The following ADGRG4 variants were observed in gnomAD, a reference collection of about 807,000 sequenced individuals.
ADGRG4 encodes G protein-coupled receptor 112.
Under a neutral mutation model 126.2 loss-of-function variants are expected in ADGRG4, and 122 were observed. That is an observed-to-expected ratio of 0.97 (90% CI 0.83 to 1.12). ADGRG4 has a LOEUF of 1.12. Ranked by LOEUF, ADGRG4 falls within the 50% of genes most tolerant of loss-of-function variation. ADGRG4 has a pLI of 0.00. For missense variants in ADGRG4, 2,481 were observed against 2,251.8 expected (o/e 1.10, Z -2.06); for synonymous variants, 943 against 838.7 (o/e 1.12, Z -2.15).
chrX:136,381,245 C>G (rs987840084), intron 15 of ADGRG4, among the ~76,000 whole-genome samples: 1 of 110,471 alleles, frequency 9.1e-6, no homozygotes, highest in African/African-American at 3.3e-5. Context: ...TGGGGGCTAT[C>G]TAAGATATCG....
intron 16 of ADGRG4, among the ~76,000 whole-genome samples, chrX:136,388,502 C>T (rs185153413): frequency 7.1e-5 from 8 of 112,268 alleles, no homozygotes; most frequent in Admixed American, 6.6e-4. Flanking sequence ...TAATTTCCTT[C>T]TCTGTAGTAT....
At chrX:136,360,094 C>T (rs1026094773) in intron 11 of ADGRG4, among the ~76,000 whole-genome samples, 7 of 111,337 alleles carry the variant, frequency 6.3e-5, no homozygotes, top group Admixed American at 1.9e-4. Context: ...TGTGACGGTG[C>T]AGGGGTGTGA....
At chrX:136,361,751 T>C (rs2075130540) in intron 12 of ADGRG4, among the ~76,000 whole-genome samples, 164 bp downstream of exon 12, 1 of 111,793 alleles carries the variant, frequency 8.9e-6, no homozygotes, top group Non-Finnish European at 1.9e-5. Flanking sequence ...ACATGCAACA[T>C]AACAAGAAAA....
Position 136,416,581 on chromosome X carries a change from G to A in ADGRG4, c.*90G>A. 1 of 678,099 alleles carries A rather than the reference G, an allele frequency of 1.5e-6. No homozygotes were observed. The highest frequency in any genetic ancestry group is 2.2e-6 in the Non-Finnish European group (1 of 445,787). The allele number at this position is 678,099 out of a possible 1,213,427, so 55.9% of individuals were successfully genotyped here. On this transcript the variant is annotated 3_prime_UTR_variant, in exon 26 of 26. Coordinates refer to ENST00000394143, the MANE Select transcript of ADGRG4 (RefSeq NM_153834.4). Reference sequence around the variant, plus strand: ...AAGTGTATACTTGCTCGGGTGATGGGTGCACCAAAATCTCACAAATCACCA... The same window carrying A: ...AAGTGTATACTTGCTCGGGTGATGGATGCACCAAAATCTCACAAATCACCA...
At chrX:136,368,350 C>G (rs1249323058) in intron 13 of ADGRG4, among the ~76,000 whole-genome samples, 1 of 112,094 alleles carries the variant, frequency 8.9e-6, no homozygotes, top group East Asian at 2.8e-4. Flanking sequence ...CGACTCATTC[C>G]CTCTTTGTCA....
rs751465334 is a variant in ADGRG4, at chrX:136,395,387, C to T, written c.8081-3C>T. On this transcript the variant is annotated splice_region_variant and splice_polypyrimidine_tract_variant and intron_variant, in intron 18 of 25. Transcript: ENST00000394143. ...CTTTGAAATTTCCTTCTGTCTCCTA[C>T]AGATGGGCTGGGTGGATGGAATTCG... is the stretch of plus-strand genomic sequence containing the variant. The T allele has an allele frequency of 1.2e-5, 14 of 1,168,153 alleles. No homozygotes were observed. The highest frequency in any genetic ancestry group is 2.4e-4 in the Middle Eastern group (1 of 4,254).
In ADGRG4 at chrX:136,348,676, A is replaced by G; in HGVS notation, c.4970A>G (p.Lys1657Arg). The change falls in exon 6 of 26, where the codon AAA becomes AGA. Residue 1657 changes from lysine (K) to arginine (R), a missense_variant. By Grantham distance (26) the Lys-to-Arg change is conservative. Transcript: ENST00000394143. ...ACAGAGCCAACTTTGCCCTTTGTAA[A>G]AACCGTTCCCACCACCATTATGGCT... ...SPTEPTLPFV[K>R]TVPTTIMAGI... 1 of 1,210,289 alleles carries G rather than the reference A, an allele frequency of 8.3e-7. No homozygotes were observed.
intron 5 of ADGRG4, among the ~76,000 whole-genome samples, chrX:136,342,934 G>GAGA (rs752696665): frequency 9.7e-6 from 1 of 103,249 alleles, no homozygotes; most frequent in Middle Eastern, 5.0e-3. Flanking sequence ...GAGAGAGAGA[G>GAGA]GAAGGGGATC....
In ADGRG4 at chrX:136,345,976, C is replaced by A; in HGVS notation, c.2270C>A (p.Thr757Asn). 1 of 1,209,638 alleles carries A rather than the reference C, an allele frequency of 8.3e-7. No individual in the cohort carries two copies. Among genetic ancestry groups the A allele is most frequent in the African/African-American group, 1.7e-5 (1 of 57,631 alleles). The stretch of plus-strand genomic sequence containing the variant: ...ACCAATATGCCTGAATTTAAACTTA[C>A]CACTTTACTACTAAAAACAATACCT... ...SITNMPEFKL[T>N]TLLLKTIPMS... is the part of the protein sequence containing the mutation. Residue 757 changes from threonine (T) to asparagine (N), a missense_variant, in exon 6 of 26, where the codon ACC becomes AAC. By Grantham distance (65) the Thr-to-Asn change is moderately conservative. Coordinates refer to ENST00000394143, the MANE Select transcript of ADGRG4 (RefSeq NM_153834.4).
chrX:136,376,576 C>T (rs778672608), intron 15 of ADGRG4, among the ~76,000 whole-genome samples: 1 of 110,999 alleles, frequency 9.0e-6, no homozygotes, highest in African/African-American at 3.3e-5. Context: ...AACAGTGTTT[C>T]GTAGTTTTCC....
chrX:136,367,011 T>G (rs1259514273), intron 13 of ADGRG4, among the ~76,000 whole-genome samples: 2 of 111,127 alleles, frequency 1.8e-5, no homozygotes, highest in Non-Finnish European at 3.8e-5. Flanking sequence ...TCAGAGAGCT[T>G]CTTTGCCCCT....
intron 8 of ADGRG4, among the ~76,000 whole-genome samples, chrX:136,353,627 G>A: frequency 9.0e-6 from 1 of 111,699 alleles, no homozygotes; most frequent in South Asian, 3.8e-4. Context: ...AAATCAATAG[G>A]GGAAGTCATG....
In ADGRG4 at chrX:136,349,915, G is replaced by A. The variant is rs774840842; in HGVS notation, c.6209G>A (p.Arg2070Gln). Residue 2070 changes from arginine to glutamine, a missense_variant, in exon 6 of 26, where the codon CGA (arginine) becomes CAA (glutamine). By Grantham distance (43) the Arg-to-Gln change is conservative (BLOSUM62 1). Coordinates refer to ENST00000394143, the MANE Select transcript of ADGRG4 (RefSeq NM_153834.4). ...GCTACTATGAGCACCATACTCACCC[G>A]AACCATTCCTACACCTACACTGGGT... ...PSATMSTILT[R>Q]TIPTPTLGGI... The A allele has an allele frequency of 1.0e-4, 122 of 1,208,560 alleles. No individual in the cohort carries two copies. Among genetic ancestry groups the A allele is most frequent in the Non-Finnish European group, 1.3e-4 (117 of 894,540 alleles).
intron 15 of ADGRG4, among the ~76,000 whole-genome samples, chrX:136,380,215 T>C (rs1306679627): frequency 1.8e-5 from 2 of 109,086 alleles, no homozygotes; most frequent in Non-Finnish European, 3.8e-5. Context: ...GTAAAATCTA[T>C]TCTTAGCTCA....
At chrX:136,393,508 G>T (rs929630547) in intron 17 of ADGRG4, 27 bp from the exon 18 acceptor site, 5 of 1,168,253 alleles carry the variant, frequency 4.3e-6, no homozygotes, top group Non-Finnish European at 5.8e-6. Context: ...AAGGCAAGAT[G>T]TTTACCTCTG....
Position 136,348,163 on chromosome X carries a change from C to T in ADGRG4, c.4457C>T (p.Thr1486Ile). ...DGFTVLSDRITTAFSVPNVPT... is the reference protein window; with the variant it reads ...DGFTVLSDRIITAFSVPNVPT... The stretch of plus-strand genomic sequence containing the variant: ...TTTACAGTTCTCTCCGACAGGATCA[C>T]TACAGCCTTTTCTGTTCCAAATGTA... Residue 1486 changes from threonine to isoleucine, a missense_variant, in exon 6 of 26, where the codon ACT becomes ATT. Coordinates refer to ENST00000394143, the MANE Select transcript of ADGRG4 (RefSeq NM_153834.4). 8.3e-7 allele frequency: 1 copy of T among 1,209,098 alleles called. No homozygotes were observed. Among genetic ancestry groups the T allele is most frequent in the Non-Finnish European group, 1.1e-6 (1 of 893,306 alleles).
At position 136,398,014 on chromosome X, in the gene ADGRG4, C is replaced by T; in HGVS notation, c.8306+12C>T. 1 of 1,202,517 alleles carries T rather than the reference C, an allele frequency of 8.3e-7. No homozygotes were observed. Among genetic ancestry groups the T allele is most frequent in the Non-Finnish European group, 1.1e-6 (1 of 888,457 alleles). ...TACATAGCTTTTCAGTAAGTTGATA[C>T]AGCCTTGCTCTGAGCACATTTAATT... On this transcript the variant is annotated intron_variant, in intron 20 of 25. Coordinates refer to ENST00000394143, the MANE Select transcript of ADGRG4 (RefSeq NM_153834.4).
intron 3 of ADGRG4, 98 bp from the exon 4 acceptor site, chrX:136,308,671 C>T: frequency 1.8e-6 from 1 of 555,465 alleles, no homozygotes; most frequent in Non-Finnish European, 3.1e-6. Flanking sequence ...GGAAAAAACC[C>T]TTAGGTGGTA....
chrX:136,332,590 C>T (rs1386649395), intron 5 of ADGRG4, among the ~76,000 whole-genome samples: 1 of 111,191 alleles, frequency 9.0e-6, no homozygotes, highest in Non-Finnish European at 1.9e-5. Context: ...CACTGACTTC[C>T]ACAATGGTTG....
Sources: allele counts gnomAD v4.1 joint callset (sites outside exome capture counted in the v4.1 genomes callset), GRCh38; gene constraint gnomAD v4.1.1; transcripts MANE v1.5; gene names NCBI Gene and HGNC (gene_info 2026-07-23, HGNC 2026-07-21).